ZCCHC14: variants seen among roughly 807,000 people sequenced by gnomAD.
ZCCHC14 encodes the protein zinc finger CCHC-type containing 14.
Under a neutral mutation model 85.0 loss-of-function variants are expected in ZCCHC14, and 16 were observed. The observed-to-expected ratio is 0.19, with a 90% CI of 0.13 to 0.29. The LOEUF (loss-of-function observed/expected upper bound fraction) is 0.29. ZCCHC14 is among the 10% of genes least tolerant of loss of function. The pLI, the probability that ZCCHC14 is intolerant of heterozygous loss-of-function variation, is 1.00. For synonymous variants in ZCCHC14, 775 were observed against 630.7 expected (o/e 1.23, Z -3.43); for missense variants, 1,303 against 1,443.5 (o/e 0.90, Z 1.58).
intron 1 of ZCCHC14, among the ~76,000 whole-genome samples, chr16:87,476,072 A>G (rs1470839563): frequency 6.6e-6 from 1 of 152,206 alleles, no homozygotes; most frequent in East Asian, 1.9e-4. Flanking sequence ...GACTTCTCTC[A>G]AAGTCCCAGT....
chr16:87,410,855 C>A (rs982460376), intron 12 of ZCCHC14, among the ~76,000 whole-genome samples: 10 of 152,174 alleles, frequency 6.6e-5, no homozygotes, highest in Non-Finnish European at 1.0e-4. Context: ...TCTAGTGCAA[C>A]CCTTAGAAGC....
intron 2 of ZCCHC14, among the ~76,000 whole-genome samples, chr16:87,458,204 T>C (rs1311603872): frequency 6.6e-6 from 1 of 152,060 alleles, no homozygotes; most frequent in African/African-American, 2.4e-5. Flanking sequence ...CACAGGTTCC[T>C]AGGCTGGACT....
At chr16:87,428,330 A>G (rs966906019) in intron 3 of ZCCHC14, among the ~76,000 whole-genome samples, 3 of 152,234 alleles carry the variant, frequency 2.0e-5, no homozygotes, top group Non-Finnish European at 4.4e-5. Flanking sequence ...AGTTTTTAGA[A>G]AAAAACGTTT....
intron 6 of ZCCHC14, 127 bp downstream of exon 6, chr16:87,419,656 G>C (rs930448305): frequency 2.1e-5 from 14 of 681,136 alleles, no homozygotes; most frequent in African/African-American, 1.1e-4. Flanking sequence ...GGCTGGTCTT[G>C]AACTCCCAAC....
intron 1 of ZCCHC14, chr16:87,472,807 G>C (rs1911828755): frequency 6.6e-6 from 1 of 152,330 alleles, no homozygotes; most frequent in Non-Finnish European, 1.5e-5. Flanking sequence ...CACAACCACA[G>C]CTCAGTGCCA....
Position 87,412,649 on chromosome 16 carries a change from C to G in ZCCHC14, c.2072G>C (p.Ser691Thr). ...GPRSSMKVDK[S>T]FGSAMMDVLP... Reference sequence around the variant, plus strand: ...CACGTCCATCATGGCGCTGCCAAAGCTCTTGTCCACTTTCATGCTGCTTCT... The same window carrying G: ...CACGTCCATCATGGCGCTGCCAAAGGTCTTGTCCACTTTCATGCTGCTTCT... Residue 691 changes from serine (S) to threonine (T), a missense_variant, in exon 12 of 13, where the codon AGC becomes ACC. By Grantham distance (58) the Ser-to-Thr change is moderately conservative (BLOSUM62 1). This residue lies in a region of ZCCHC14 where 797 missense variants were observed against 730.8 expected (regional missense o/e 1.09). Transcript: ENST00000671377. The G allele has an allele frequency of 2.5e-6, 4 of 1,614,244 alleles. No individual in the cohort carries two copies. Among genetic ancestry groups the G allele is most frequent in the Non-Finnish European group, 3.4e-6 (4 of 1,180,044 alleles).
chr16:87,418,119 AT>A (rs1275167636), intron 7 of ZCCHC14, among the ~76,000 whole-genome samples: 1 of 152,120 alleles, frequency 6.6e-6, no homozygotes, highest in Non-Finnish European at 1.5e-5. Context: ...TGTTACTTGT[AT>A]TTTTTAAAAA....
chr16:87,438,783 C>T (rs1910051098), intron 2 of ZCCHC14, among the ~76,000 whole-genome samples: 1 of 152,024 alleles, frequency 6.6e-6, no homozygotes, highest in South Asian at 2.1e-4. Context: ...CCGGGCCCAC[C>T]GTCGGCACTG....
intron 3 of ZCCHC14, among the ~76,000 whole-genome samples, chr16:87,431,806 G>A (rs749598091): frequency 6.6e-5 from 10 of 152,156 alleles, no homozygotes; most frequent in Admixed American, 1.3e-4. Flanking sequence ...CACTGGGACC[G>A]CTGCTGGGTT....
chr16:87,477,097 C>T lies in ZCCHC14; in HGVS notation c.570+14572G>A, dbSNP rs1912041565. On this transcript the variant is annotated intron_variant, in intron 1 of 12. Coordinates refer to ENST00000671377, the MANE Select transcript of ZCCHC14 (RefSeq NM_015144.3). ...CCAAGATCGCTACATTGTACTCTAG[C>T]CTGACAGAGAGAGACTCAGTCTCAA... 2.4e-5 allele frequency among the ~76,000 whole-genome samples: 3 copies of T among 124,458 alleles called. No individual in the cohort carries two copies. In the South Asian group the frequency reaches 7.9e-4, roughly 33 times the overall value. The allele number at this position is 124,458 out of a possible 152,430, so 81.6% of individuals were successfully genotyped here.
intron 3 of ZCCHC14, among the ~76,000 whole-genome samples, chr16:87,428,518 C>T (rs932011621): frequency 2.1e-4 from 32 of 152,160 alleles, no homozygotes; most frequent in African/African-American, 7.7e-4. Flanking sequence ...GTTCTATGGA[C>T]AAAAGGAAAA....
chr16:87,425,360 T>A (rs928245158), intron 3 of ZCCHC14, among the ~76,000 whole-genome samples: 1 of 152,204 alleles, frequency 6.6e-6, no homozygotes, highest in Admixed American at 6.5e-5. Context: ...GCGGATCACC[T>A]GAGGTCAGGA....
chr16:87,462,425 G>A (rs945756334), intron 1 of ZCCHC14, among the ~76,000 whole-genome samples: 6 of 152,108 alleles, frequency 3.9e-5, no homozygotes, highest in Non-Finnish European at 4.4e-5. Context: ...AACTCAGGAG[G>A]TTAACACATT....
At position 87,412,360 on chromosome 16, in the gene ZCCHC14, G is replaced by A. The variant is rs1908504637; in HGVS notation, c.2361C>T (p.Ala787=). The A allele has an allele frequency of 6.2e-7, 1 of 1,614,158 alleles. No homozygotes were observed. Among genetic ancestry groups the A allele is most frequent in the Non-Finnish European group, 8.5e-7 (1 of 1,180,040 alleles). ...LLSSSVPADS[A]ISGQTSCPNN... ...TAGGACAGGAAGTTTGCCCAGAAAT[G>A]GCAGAATCAGCAGGAACAGATGACG... The change falls in exon 12 of 13, where the codon GCC becomes GCT. Residue 787 remains alanine, a synonymous_variant. Coordinates refer to ENST00000671377, the MANE Select transcript of ZCCHC14 (RefSeq NM_015144.3).
intron 1 of ZCCHC14, among the ~76,000 whole-genome samples, chr16:87,484,344 T>C (rs1304132233): frequency 1.3e-5 from 2 of 152,204 alleles, no homozygotes; most frequent in Non-Finnish European, 2.9e-5. Flanking sequence ...ACATTACCGA[T>C]TTAAAACCTT....
At chr16:87,477,198 A>G (rs1322378833) in intron 1 of ZCCHC14, among the ~76,000 whole-genome samples, 2 of 152,036 alleles carry the variant, frequency 1.3e-5, no homozygotes, top group Non-Finnish European at 2.9e-5. Context: ...CACACTTAAA[A>G]TATGTGCATT....
At chr16:87,458,704 G>C (rs900042702) in intron 2 of ZCCHC14, among the ~76,000 whole-genome samples, 4 of 152,194 alleles carry the variant, frequency 2.6e-5, no homozygotes, top group African/African-American at 7.2e-5. Context: ...GGACGGGGAC[G>C]GTGCGGGGCG....
Position 87,411,998 on chromosome 16 carries a change from T to C in ZCCHC14, c.2723A>G (p.Gln908Arg). ...PNHHHHHHHQ[Q>R]PPAPPQPAPP... ...GGCGGGCTGCGGGGGTGCCGGGGGC[T>C]GCTGATGGTGGTGGTGGTGGTGGTG... The change falls in exon 12 of 13, where the codon CAG becomes CGG. Residue 908 changes from glutamine (Q) to arginine (R), a missense_variant. Around this residue, in one of 7 missense-constraint regions of ZCCHC14, gnomAD observed 797 missense variants for 730.8 expected, o/e 1.09. Coordinates refer to ENST00000671377, the MANE Select transcript of ZCCHC14 (RefSeq NM_015144.3). 1 of 1,609,706 alleles carries C rather than the reference T, an allele frequency of 6.2e-7. No homozygotes were observed. The highest frequency in any genetic ancestry group is 8.5e-7 in the Non-Finnish European group (1 of 1,179,760).
At chr16:87,413,279 G>A (rs896548828) in intron 10 of ZCCHC14, 84 bp from the exon 11 acceptor site, 18 of 1,436,478 alleles carry the variant, frequency 1.3e-5, no homozygotes, top group Middle Eastern at 5.1e-4. Flanking sequence ...CGCACTGTCG[G>A]CAGGTGCTCC....
Sources: gnomAD v4.1 joint callset for allele counts (sites outside exome capture counted in the v4.1 genomes callset) on GRCh38, gnomAD v4.1.1 for gene constraint, gnomAD v4.1.1 regional missense constraint, MANE v1.5 for transcripts, NCBI Gene and HGNC (gene_info 2026-07-23, HGNC 2026-07-21) for gene names.